Variants in AFDN observed in about 807,000 individuals in gnomAD.
AFDN encodes the protein afadin.
Under a neutral mutation model 216.6 loss-of-function variants are expected in AFDN, and 68 were observed. The observed-to-expected ratio is 0.31, with a 90% CI of 0.26 to 0.38. The LOEUF (loss-of-function observed/expected upper bound fraction) is 0.38. Among genes scored for constraint, AFDN ranks in the 10% least tolerant of loss-of-function variants. AFDN has a pLI of 1.00. For missense variants in AFDN, 2,136 were observed against 2,342.0 expected, an observed-to-expected ratio of 0.91 and a Z score of 1.82; for synonymous variants, 868 against 853.7, an observed-to-expected ratio of 1.02 and a Z score of -0.29.
chr6:167,859,775 ATTG>A (rs200135605), intron 1 of AFDN, among the ~76,000 whole-genome samples: 44,344 of 146,992 alleles, frequency 0.3, 7,334 homozygotes, highest in East Asian at 0.59. Context: ...TGGTTTTGTT[ATTG>A]TTGTTTTTTT....
At chr6:167,952,922 T>C (rs1796152121) in intron 30 of AFDN, among the ~76,000 whole-genome samples, 1 of 152,374 alleles carries the variant, frequency 6.6e-6, no homozygotes. Flanking sequence ...GAAAATGATT[T>C]TTGTTTTAAA....
chr6:167,939,143 T>C (rs185917934), intron 23 of AFDN, among the ~76,000 whole-genome samples: 1 of 152,360 alleles, frequency 6.6e-6, no homozygotes, highest in Admixed American at 6.5e-5. Flanking sequence ...TCCTTGTTTA[T>C]AATAGTGTCA....
chr6:167,827,772 T>TG (rs1779331858), intron 1 of AFDN: 1 of 152,120 alleles, frequency 6.6e-6, no homozygotes, highest in South Asian at 2.1e-4. Flanking sequence ...GGCTGCCTGA[T>TG]GGCACAGGCC....
intron 1 of AFDN, among the ~76,000 whole-genome samples, chr6:167,854,233 C>A (rs966213608): frequency 6.6e-6 from 1 of 151,900 alleles, no homozygotes; most frequent in African/African-American, 2.4e-5. Context: ...GGCCGATTCA[C>A]TACTTTGTAT....
intron 30 of AFDN, among the ~76,000 whole-genome samples, chr6:167,956,389 T>C (rs146692383): frequency 2.2e-4 from 34 of 152,236 alleles, no homozygotes; most frequent in Non-Finnish European, 4.7e-4. Context: ...GGAGGCTGCC[T>C]GCACTCGTTT....
chr6:167,950,423 T>TGTGTGTG (rs1795837890), intron 29 of AFDN, among the ~76,000 whole-genome samples: 1 of 147,766 alleles, frequency 6.8e-6, no homozygotes, highest in South Asian at 2.3e-4. Context: ...TGTGTGTGTG[T>TGTGTGTG]CATTTCTCTC....
rs1225523003 is a variant in AFDN, at chr6:167,872,269, T to G, written c.470T>G (p.Phe157Cys). ...KQEKEGVIQN[F>C]KRTLSKKEKK... ...GAAAAAGAAGGGGTTATCCAGAACT[T>G]CAAGAGAACTCTCTCAAAGAAAGAA... Residue 157 changes from phenylalanine (F) to cysteine (C), a missense_variant, in exon 4 of 34, where the codon TTC becomes TGC. Around this residue, in one of 8 missense-constraint regions of AFDN, gnomAD observed 817 missense variants for 965.7 expected, o/e 0.85. Transcript: ENST00000683244. The G allele has an allele frequency of 6.2e-7, 1 of 1,613,500 alleles. No individual in the cohort carries two copies. Among genetic ancestry groups the G allele is most frequent in the Non-Finnish European group, 8.5e-7 (1 of 1,179,844 alleles).
chr6:167,947,468 CAT>C (rs760358616), intron 27 of AFDN, among the ~76,000 whole-genome samples: 16,634 of 152,232 alleles, frequency 0.11, 1,047 homozygotes, highest in South Asian at 0.22. Context: ...CTTGAGCCAC[CAT>C]GCCCAGCCAA....
At chr6:167,904,140 C>A (rs116633079) in intron 12 of AFDN, among the ~76,000 whole-genome samples, 1,547 of 152,198 alleles carry the variant, frequency 0.01, 30 homozygotes, top group African/African-American at 0.036. Flanking sequence ...AGTTTAAATA[C>A]CATCTAATGT....
chr6:167,867,496 C>G (rs1460009486), intron 2 of AFDN, among the ~76,000 whole-genome samples: 1 of 147,482 alleles, frequency 6.8e-6, no homozygotes, highest in Non-Finnish European at 1.5e-5. Flanking sequence ...GCGGCATGAT[C>G]TTGGCTCACG....
At chr6:167,915,461 A>T in intron 19 of AFDN, 28 bp downstream of exon 19, 1 of 1,580,634 alleles carries the variant, frequency 6.3e-7, no homozygotes, top group Non-Finnish European at 8.6e-7. Flanking sequence ...TCCCCAGCTC[A>T]TGTGCTTTAT....
chr6:167,919,777 T>C (rs1791547898), intron 21 of AFDN, among the ~76,000 whole-genome samples: 1 of 152,252 alleles, frequency 6.6e-6, no homozygotes, highest in Admixed American at 6.5e-5. Context: ...TTAATCCCAG[T>C]CTGCCACTTT....
At chr6:167,844,199 T>TGC (rs1309836607) in intron 1 of AFDN, among the ~76,000 whole-genome samples, 1 of 151,444 alleles carries the variant, frequency 6.6e-6, no homozygotes, top group Admixed American at 6.6e-5. Context: ...TGTGTGTGTG[T>TGC]GTGTGTGTGT....
At position 167,827,078 on chromosome 6, in the gene AFDN, C is replaced by T. The variant is rs1300658584; in HGVS notation, c.-55C>T. The T allele has an allele frequency of 1.3e-5, 13 of 1,012,804 alleles. No homozygotes were observed. Among genetic ancestry groups the T allele is most frequent in the East Asian group, 8.9e-5 (1 of 11,242 alleles). 62.7% of individuals were successfully genotyped at this position (1,012,804 alleles called of 1,614,324 possible). A position where few individuals can be genotyped will look rare whatever the true frequency, so the allele number is the denominator to read the frequency against. On this transcript the variant is annotated 5_prime_UTR_variant, in exon 1 of 34. Coordinates refer to ENST00000683244, the MANE Select transcript of AFDN (RefSeq NM_001386888.1). Reference sequence around the variant, plus strand: ...GCCGGGCCCCCGCGGACCTGTCGTCCTCGGCCCGTCCTCCGGCCCCGGCCC... The same window carrying T: ...GCCGGGCCCCCGCGGACCTGTCGTCTTCGGCCCGTCCTCCGGCCCCGGCCC...
chr6:167,896,933 T>C lies in AFDN; in HGVS notation c.1278T>C (p.Thr426=). The stretch of plus-strand genomic sequence containing the variant: ...TTTACCGCCTTCAGTTAAGTGTTAC[T>C]GAAGTTGGGACAGAAAAGTTGGATG... ...PKLYRLQLSV[T]EVGTEKLDDN... is the part of the protein sequence containing the mutation. The change falls in exon 10 of 34, where the codon ACT becomes ACC. Residue 426 remains threonine, a synonymous_variant. Transcript: ENST00000683244. The C allele has an allele frequency of 6.2e-7, 1 of 1,613,836 alleles. No homozygotes were observed. The highest frequency in any genetic ancestry group is 8.5e-7 in the Non-Finnish European group (1 of 1,179,788).
chr6:167,966,361 A>G (rs1487618126), intron 32 of AFDN: 23 of 1,156,068 alleles, frequency 2.0e-5, no homozygotes, highest in Non-Finnish European at 2.4e-5. Flanking sequence ...AGTATGGTCC[A>G]TGGCGATCAT....
At chr6:167,898,054 G>C in intron 10 of AFDN, 151 bp from the exon 11 acceptor site, 1 of 811,354 alleles carries the variant, frequency 1.2e-6, no homozygotes, top group Non-Finnish European at 1.9e-6. Context: ...ATTTTTATAC[G>C]ATTGAGGGAA....
intron 10 of AFDN, among the ~76,000 whole-genome samples, chr6:167,897,804 G>A (rs1317019323): frequency 2.0e-5 from 3 of 151,772 alleles, no homozygotes; most frequent in East Asian, 3.9e-4. Flanking sequence ...GCGCCACCAC[G>A]CCTGCTAATT....
chr6:167,827,796 C>T (rs1779336750), intron 1 of AFDN: 1 of 152,178 alleles, frequency 6.6e-6, no homozygotes, highest in South Asian at 2.1e-4. Flanking sequence ...AGTCGGACGC[C>T]TCCGAGGAAA....
Sources: allele counts gnomAD v4.1 joint callset (sites outside exome capture counted in the v4.1 genomes callset), GRCh38; gene constraint gnomAD v4.1.1; regional missense constraint gnomAD v4.1.1; transcripts MANE v1.5; gene names NCBI Gene and HGNC (gene_info 2026-07-23, HGNC 2026-07-21).